MED16: variants seen among roughly 807,000 people sequenced by gnomAD.
The protein encoded by MED16 is mediator complex subunit 16, also known as mediator of RNA polymerase II transcription subunit 16.
MED16 carries 81 observed loss-of-function variants against 84.4 expected under a neutral mutation model. The ratio of observed to expected loss-of-function variants is 0.96; its 90% CI spans 0.80 to 1.15. The LOEUF is 1.15. Among genes scored for constraint, MED16 ranks in the 50% most tolerant of loss-of-function variants. The probability of loss-of-function intolerance (pLI) is 0.00; values close to 1 mark genes in which losing one functional copy is unlikely to be tolerated. For synonymous variants in MED16, 897 were observed against 552.2 expected, an observed-to-expected ratio of 1.62 and a Z score of -8.76; for missense variants, 1,585 against 1,245.9, an observed-to-expected ratio of 1.27 and a Z score of -4.10.
Position 891,273 on chromosome 19 carries a change from CGGA to C in MED16, c.-18-127_-18-125del, listed in dbSNP as rs2036626376. 4 of 955,734 alleles carry C rather than the reference CGGA, an allele frequency of 4.2e-6. No individual in the cohort carries two copies. In the African/African-American group the frequency reaches 6.6e-5, roughly 16 times the overall value. The allele number at this position is 955,734 out of a possible 1,614,324, so 59.2% of individuals were successfully genotyped here. ...AGAGGGAACAGCCGATGCAAAGGCCCGGAGGCCAGACAGAGCCTGGGGCTGGGG... is the reference window on the plus strand; with the variant it reads ...AGAGGGAACAGCCGATGCAAAGGCCCGGCCAGACAGAGCCTGGGGCTGGGG... On this transcript the variant is annotated intron_variant, in intron 1 of 15. Transcript: ENST00000325464.
Position 868,142 on chromosome 19 carries a change from G to A in MED16, c.2593C>T (p.Pro865Ser), listed in dbSNP as rs763360343. The change falls in exon 16 of 16, where the codon CCC (proline) becomes TCC (serine). Residue 865 changes from proline (P) to serine (S), a missense_variant. Physicochemically the swap from Pro to Ser is moderately conservative, Grantham distance 74. Transcript: ENST00000325464. ...PQSTHHSPRT[P>S]RSLDHLHPED... ...GGATGCAGATGGTCCAGGGATCTGG[G>A]GGTCCTGGGAGAGTGGTGTGTGGAC... 6 of 1,611,836 alleles carry A rather than the reference G, an allele frequency of 3.7e-6. No individual in the cohort carries two copies. In the Admixed American group the frequency reaches 6.7e-5, roughly 18 times the overall value.
intron 4 of MED16, among the ~76,000 whole-genome samples, chr19:886,848 G>A (rs1324842115): frequency 1.3e-5 from 2 of 152,204 alleles, no homozygotes; most frequent in East Asian, 1.9e-4. Context: ...GGCTGAGGCA[G>A]GTGGATCCCC....
Position 889,778 on chromosome 19 carries a change from C to T in MED16, c.307G>A (p.Gly103Arg). The change falls in exon 4 of 16, where the codon GGG becomes AGG. Residue 103 changes from glycine to arginine, a missense_variant. Gly to Arg is a moderately radical substitution (Grantham distance 125). Coordinates refer to ENST00000325464, the MANE Select transcript of MED16 (RefSeq NM_005481.3). ...GSRLLSADAD[G>R]QIKCWSMADH... ...GCCATGCTCCAGCACTTGATCTGCC[C>T]GTCGGCATCTGCTGACAGGAGCCGG... The T allele has an allele frequency of 4.3e-6, 7 of 1,612,742 alleles. No homozygotes were observed. Among genetic ancestry groups the T allele is most frequent in the Non-Finnish European group, 5.9e-6 (7 of 1,179,624 alleles).
intron 7 of MED16, among the ~76,000 whole-genome samples, chr19:880,882 A>G (rs1023735849): frequency 2.6e-5 from 4 of 151,030 alleles, no homozygotes; most frequent in East Asian, 1.9e-4. Flanking sequence ...CCGAGATCAC[A>G]CCACTGCACT....
intron 13 of MED16, among the ~76,000 whole-genome samples, chr19:870,553 C>G (rs1168054559): frequency 7.0e-6 from 1 of 143,108 alleles, no homozygotes; most frequent in Non-Finnish European, 1.5e-5. Context: ...AGAGTGAGAC[C>G]CTGTCGGGGA....
intron 7 of MED16, among the ~76,000 whole-genome samples, chr19:881,075 G>GA (rs2036411311): frequency 6.6e-6 from 1 of 151,694 alleles, no homozygotes; most frequent in East Asian, 1.9e-4. Flanking sequence ...TCTTTCCAGG[G>GA]AACCAGGGAA....
chr19:882,396 A>ACGCCTGCG (rs2036438900), intron 6 of MED16, among the ~76,000 whole-genome samples: 2 of 89,586 alleles, frequency 2.2e-5, no homozygotes, highest in African/African-American at 9.2e-5. Context: ...GCACGCCTGC[A>ACGCCTGCG]CACGCCTGTA....
rs572989873 is a variant in MED16 at position 877,403 on chromosome 19, T to G, written c.1354-223A>C. 6.0e-3 allele frequency among the ~76,000 whole-genome samples: 908 copies of G among 152,242 alleles called. 6 individuals are homozygous for G. Among genetic ancestry groups the G allele is most frequent in the Non-Finnish European group, 0.01 (700 of 67,978 alleles). ...GAAGGAAACCTCCCTGAGCCCCGACTGCACTGGATGCCGAGCCAGGCTTAC... is the reference window on the plus strand; with the variant it reads ...GAAGGAAACCTCCCTGAGCCCCGACGGCACTGGATGCCGAGCCAGGCTTAC... On this transcript the variant is annotated intron_variant, in intron 8 of 15. Transcript: ENST00000325464.
chr19:891,463 C>T lies in MED16; in HGVS notation c.-18-314G>A, dbSNP rs1313344679. Among the ~76,000 whole-genome samples, 9 of 152,182 alleles carry T rather than the reference C, an allele frequency of 5.9e-5. No individual in the cohort carries two copies. The South Asian group carries it at 8.3e-4, about 14-fold the overall frequency. On this transcript the variant is annotated intron_variant, in intron 1 of 15. Coordinates refer to ENST00000325464, the MANE Select transcript of MED16 (RefSeq NM_005481.3). ...GGGGGCCAAGGGCACAGCCGGGAGA[C>T]GCAGCGGAGGGTCTGCGCTGGCCCA...
intron 9 of MED16, 81 bp downstream of exon 9, chr19:876,893 C>CGGGGCCCCACCTGCCAT: frequency 4.4e-6 from 6 of 1,358,010 alleles, no homozygotes; most frequent in South Asian, 4.2e-5. Context: ...CCACCTGCCA[C>CGGGGCCCCACCTGCCAT]GGGGCCCCAC....
At position 871,197 on chromosome 19, in the gene MED16, G is replaced by A. The variant is rs1162276311; in HGVS notation, c.2155C>T (p.Leu719=). Residue 719 remains leucine (L), a synonymous_variant, in exon 13 of 16, where the codon CTG becomes TTG. Coordinates refer to ENST00000325464, the MANE Select transcript of MED16 (RefSeq NM_005481.3). ...PDEALVDECC[L]LPSQLLIPSL... is the part of the protein sequence containing the mutation. ...GGGATAAGCAGCTGGCTGGGCAGCAGGCAGCATTCATCCACCAGCGCCTCG... is the reference window on the plus strand; with the variant it reads ...GGGATAAGCAGCTGGCTGGGCAGCAAGCAGCATTCATCCACCAGCGCCTCG... 10 of 1,550,494 alleles carry A rather than the reference G, an allele frequency of 6.4e-6. No homozygotes were observed. The highest frequency in any genetic ancestry group is 3.6e-5 in the South Asian group (3 of 84,236).
chr19:889,797 G>A lies in MED16; in HGVS notation c.288C>T (p.Leu96=), dbSNP rs753131046. Residue 96 remains leucine, a synonymous_variant, in exon 4 of 16, where the codon CTC becomes CTT. Coordinates refer to ENST00000325464, the MANE Select transcript of MED16 (RefSeq NM_005481.3). ...TCTGCCCGTCGGCATCTGCTGACAG[G>A]AGCCGGGAGCCTGAGGGCAAGAAGC... The part of the protein sequence containing the change: ...CLEWDQSGSR[L]LSADADGQIK... 7 of 1,610,794 alleles carry A rather than the reference G, an allele frequency of 4.3e-6. No individual in the cohort carries two copies. In the African/African-American group the frequency reaches 6.7e-5, roughly 15 times the overall value.
In MED16 at chr19:885,759, C is replaced by T. The variant is rs769984169; in HGVS notation, c.879+11G>A. On this transcript the variant is annotated intron_variant, in intron 5 of 15. Transcript: ENST00000325464. ...GCCTGCCAGCCCACGTGATGGCCTG[C>T]GCCCGTTCACCTGCTCCGACATGTC... 25 of 1,601,872 alleles carry T rather than the reference C, an allele frequency of 1.6e-5. No homozygotes were observed. Among genetic ancestry groups the T allele is most frequent in the Admixed American group, 1.2e-4 (7 of 59,976 alleles).
intron 6 of MED16, among the ~76,000 whole-genome samples, chr19:883,078 A>C (rs140377139): frequency 6.6e-6 from 1 of 152,178 alleles, no homozygotes; most frequent in East Asian, 1.9e-4. Context: ...TGGCCAGGGT[A>C]CCCTCACAGC....
rs193163647 is a variant in MED16 at position 870,808 on chromosome 19, G to A, written c.2315+229C>T. Among the ~76,000 whole-genome samples, 4 of 148,860 alleles carry A rather than the reference G, an allele frequency of 2.7e-5. No individual in the cohort carries two copies. In the East Asian group the frequency reaches 8.0e-4, roughly 30 times the overall value. On this transcript the variant is annotated intron_variant, in intron 13 of 15. Coordinates refer to ENST00000325464, the MANE Select transcript of MED16 (RefSeq NM_005481.3). ...TTCGGGGGGACCCGGGGCAGGACATGGAGGGAGGGAGCCGTGTGGATTCGG... is the reference window on the plus strand; with the variant it reads ...TTCGGGGGGACCCGGGGCAGGACATAGAGGGAGGGAGCCGTGTGGATTCGG...
At chr19:873,829 G>A (rs567931589) in intron 10 of MED16, among the ~76,000 whole-genome samples, 1 of 152,246 alleles carries the variant, frequency 6.6e-6, no homozygotes, top group Admixed American at 6.5e-5. Context: ...TGCAGGCCTT[G>A]GCGTGGGCAG....
chr19:869,875 G>C (rs191955001), intron 13 of MED16, among the ~76,000 whole-genome samples: 3 of 152,212 alleles, frequency 2.0e-5, no homozygotes, highest in Non-Finnish European at 4.4e-5. Context: ...TTCAAATCCT[G>C]ACTCGGCCAC....
intron 11 of MED16, 124 bp from the exon 12 acceptor site, chr19:872,242 G>A (rs1293627407): frequency 1.3e-6 from 1 of 775,954 alleles, no homozygotes; most frequent in East Asian, 2.8e-5. Flanking sequence ...CATTTGTGGT[G>A]GTCAGGACTG....
intron 14 of MED16, 104 bp from the exon 15 acceptor site, chr19:868,603 T>TCACGCCTGCTCCC: frequency 6.9e-7 from 1 of 1,444,390 alleles, no homozygotes; most frequent in Non-Finnish European, 9.3e-7. Context: ...TCGCCGTCCC[T>TCACGCCTGCTCCC]CACGCCTGCT....
Sources: gnomAD v4.1 joint callset for allele counts (sites outside exome capture counted in the v4.1 genomes callset) on GRCh38, gnomAD v4.1.1 for gene constraint, MANE v1.5 for transcripts, NCBI Gene and HGNC (gene_info 2026-07-23, HGNC 2026-07-21) for gene names.